The following EPB41L5 variants were observed in gnomAD, a reference collection of about 807,000 sequenced individuals.
EPB41L5 encodes the protein erythrocyte membrane protein band 4.1 like 5, also known as band 4.1-like protein 5.
A neutral mutation model predicts 106.6 loss-of-function variants in EPB41L5; 55 were observed. The observed-to-expected ratio is 0.52, with a 90% confidence interval of 0.42 to 0.65. The LOEUF (loss-of-function observed/expected upper bound fraction) is 0.65. Among genes scored for constraint, EPB41L5 ranks in the 30% least tolerant of loss-of-function variants. The probability of loss-of-function intolerance (pLI) is 0.00; values close to 1 mark genes in which losing one functional copy is unlikely to be tolerated. For missense variants in EPB41L5, 871 were observed against 882.1 expected, an observed-to-expected ratio of 0.99 and a Z score of 0.16; for synonymous variants, 297 against 306.7, an observed-to-expected ratio of 0.97 and a Z score of 0.33.
chr2:120,161,317 G>T, intron 21 of EPB41L5, among the ~76,000 whole-genome samples: 1 of 151,200 alleles, frequency 6.6e-6, no homozygotes, highest in Non-Finnish European at 1.5e-5. Context: ...GGTGGAGATT[G>T]CAGTGAACTG....
At chr2:120,132,011 C>G (rs1347435879) in intron 18 of EPB41L5, among the ~76,000 whole-genome samples, 1 of 151,796 alleles carries the variant, frequency 6.6e-6, no homozygotes, top group African/African-American at 2.4e-5. Context: ...GGAAGACTTG[C>G]TGAAGCCTTT....
chr2:120,085,693 G>A (rs1463535094), intron 10 of EPB41L5, among the ~76,000 whole-genome samples: 1 of 152,156 alleles, frequency 6.6e-6, no homozygotes, highest in Non-Finnish European at 1.5e-5. Context: ...AGAGACTTGA[G>A]TTGAACACCT....
chr2:120,106,789 T>G (rs1684478481), intron 16 of EPB41L5: 1 of 985,300 alleles, frequency 1.0e-6, no homozygotes, highest in Non-Finnish European at 1.2e-6. Flanking sequence ...CATCGTCTCT[T>G]TTTGTTGCGT....
chr2:120,034,438 T>A (rs1031580165), intron 2 of EPB41L5, among the ~76,000 whole-genome samples: 1 of 152,270 alleles, frequency 6.6e-6, no homozygotes, highest in Non-Finnish European at 1.5e-5. Context: ...TGGAAACATA[T>A]AAGTTTGGTA....
intron 3 of EPB41L5, among the ~76,000 whole-genome samples, chr2:120,059,764 G>A (rs1680903560): frequency 6.6e-6 from 1 of 152,082 alleles, no homozygotes; most frequent in Admixed American, 6.5e-5. Context: ...AAAGTCTGCT[G>A]CTGTGGCTAC....
intron 10 of EPB41L5, 122 bp from the exon 11 acceptor site, chr2:120,087,049 C>T (rs752877732): frequency 1.2e-5 from 7 of 575,906 alleles, no homozygotes; most frequent in South Asian, 2.3e-5. Context: ...TTACGTTTAC[C>T]GTCCTGTCAA....
intron 20 of EPB41L5, chr2:120,160,620 A>G (rs1315448061): frequency 2.9e-6 from 1 of 346,566 alleles, no homozygotes; most frequent in African/African-American, 2.1e-5. Flanking sequence ...TCCCACCAGC[A>G]GCGTAAGAGG....
intron 14 of EPB41L5, among the ~76,000 whole-genome samples, chr2:120,095,900 C>T (rs1402120663): frequency 6.6e-6 from 1 of 152,092 alleles, no homozygotes; most frequent in Non-Finnish European, 1.5e-5. Context: ...GAACTCTTGA[C>T]CTCATGTGAT....
chr2:120,031,802 C>T (rs557667133), intron 2 of EPB41L5, among the ~76,000 whole-genome samples: 2 of 152,138 alleles, frequency 1.3e-5, no homozygotes, highest in African/African-American at 4.8e-5. Context: ...TATTGGAAGG[C>T]AACACTGATA....
In EPB41L5 at chr2:120,092,008, TTTTATTTATTTA is replaced by T. The variant is rs145583905; in HGVS notation, c.1150+375_1150+386del. On this transcript the variant is annotated intron_variant, in intron 13 of 24. Coordinates refer to ENST00000263713, the MANE Select transcript of EPB41L5 (RefSeq NM_020909.4). The stretch of plus-strand genomic sequence containing the variant: ...TCCCCTTAGGAATTTTTAAAAACAT[TTTTATTTATTTA>T]TTTATTTATTTATTTATTTATTTAT... Among the ~76,000 whole-genome samples, 580 of 146,762 alleles carry T rather than the reference TTTTATTTATTTA, an allele frequency of 4.0e-3. 6 individuals carry two copies. Among genetic ancestry groups the T allele is most frequent in the South Asian group, 0.014 (64 of 4,548 alleles).
intron 3 of EPB41L5, among the ~76,000 whole-genome samples, chr2:120,050,010 G>A (rs1680113902): frequency 2.0e-5 from 3 of 152,172 alleles, no homozygotes; most frequent in Admixed American, 1.3e-4. Context: ...CTTCTGGCTT[G>A]TAGAGTTTCT....
At chr2:120,160,622 C>T (rs187706066) in intron 20 of EPB41L5, 27 of 377,446 alleles carry the variant, frequency 7.2e-5, no homozygotes, top group African/African-American at 4.5e-4. Flanking sequence ...CCACCAGCAG[C>T]GTAAGAGGGT....
intron 18 of EPB41L5, among the ~76,000 whole-genome samples, chr2:120,138,211 C>G (rs1320758868): frequency 5.3e-5 from 8 of 151,868 alleles, no homozygotes. Flanking sequence ...TGGAACATAC[C>G]TCAGCACACT....
chr2:120,167,552 G>A, intron 23 of EPB41L5, 45 bp downstream of exon 23: 3 of 1,584,126 alleles, frequency 1.9e-6, no homozygotes. Context: ...TACCCTTTCA[G>A]GGTAAGGCCT....
At chr2:120,163,813 A>G (rs189852801) in intron 21 of EPB41L5, among the ~76,000 whole-genome samples, 2 of 151,778 alleles carry the variant, frequency 1.3e-5, no homozygotes, top group Non-Finnish European at 2.9e-5. Flanking sequence ...TTGGCTGGGC[A>G]TGGTGGTGCA....
At chr2:120,166,068 G>T (rs189020868) in intron 22 of EPB41L5, among the ~76,000 whole-genome samples, 5 of 151,740 alleles carry the variant, frequency 3.3e-5, no homozygotes, top group Non-Finnish European at 7.4e-5. Flanking sequence ...CATCCTGAAG[G>T]CTTGGAAATA....
intron 20 of EPB41L5, among the ~76,000 whole-genome samples, chr2:120,147,135 G>A (rs1413396463): frequency 1.3e-5 from 2 of 152,060 alleles, no homozygotes; most frequent in African/African-American, 4.8e-5. Context: ...ATCACTTGAG[G>A]CCAGCAGTTT....
intron 2 of EPB41L5, among the ~76,000 whole-genome samples, chr2:120,028,420 A>G (rs950585514): frequency 3.3e-5 from 5 of 152,098 alleles, no homozygotes; most frequent in East Asian, 1.9e-4. Flanking sequence ...TTGTGGCCCC[A>G]ACTATTCAGA....
chr2:120,055,335 G>A (rs148781169), intron 3 of EPB41L5, among the ~76,000 whole-genome samples: 63 of 152,210 alleles, frequency 4.1e-4, no homozygotes, highest in African/African-American at 1.4e-3. Context: ...CTTAGGGTCA[G>A]CTTATCCATT....
Sources: allele counts gnomAD v4.1 joint callset (sites outside exome capture counted in the v4.1 genomes callset), GRCh38; gene constraint gnomAD v4.1.1; transcripts MANE v1.5; gene names NCBI Gene and HGNC (gene_info 2026-07-23, HGNC 2026-07-21).